Variants in SIRT5 observed in about 807,000 individuals in gnomAD.
SIRT5 encodes sirtuin 5.
In SIRT5, 26 loss-of-function variants were observed where a neutral mutation model predicts 40.0. The ratio of observed to expected loss-of-function variants is 0.65; its 90% CI spans 0.48 to 0.90. The LOEUF (loss-of-function observed/expected upper bound fraction) is 0.90. Among genes scored for constraint, SIRT5 ranks in the 40% least tolerant of loss-of-function variants. SIRT5 has a pLI of 0.00. For synonymous variants in SIRT5, 146 were observed against 149.1 expected (o/e 0.98, Z 0.15); for missense variants, 401 against 402.4 (o/e 1.00, Z 0.03).
At position 13,606,465 on chromosome 6, in the gene SIRT5, C is replaced by T. The variant is rs372752811; in HGVS notation, c.858-5325C>T. Among the ~76,000 whole-genome samples the T allele has an allele frequency of 4.6e-5, 7 of 152,144 alleles. No individual in the cohort carries two copies. The East Asian group carries it at 9.7e-4, about 21-fold the overall frequency. On this transcript the variant is annotated intron_variant, in intron 9 of 9. Coordinates refer to ENST00000606117, the MANE Select transcript of SIRT5 (RefSeq NM_012241.5). ...GTGTGAAGAGGTCACTGCTTTGAAG[C>T]GATAGTTGACCGTGTGTGTTAGGGA...
At chr6:13,596,936 T>G in intron 6 of SIRT5, 27 bp from the exon 7 acceptor site, 1 of 1,571,860 alleles carries the variant, frequency 6.4e-7, no homozygotes, top group Non-Finnish European at 8.7e-7. Flanking sequence ...AATAACAATC[T>G]TTCTTTTCTA....
At chr6:13,574,293 C>T (rs1758277779), upstream of SIRT5, among the ~76,000 whole-genome samples, 1 of 152,124 alleles carries the variant, frequency 6.6e-6, no homozygotes, top group South Asian at 2.1e-4. Context: ...AGCCGGCGCG[C>T]CCGCCTCCCG....
chr6:13,588,203 C>G, intron 3 of SIRT5, 128 bp from the exon 4 acceptor site: 1 of 1,208,076 alleles, frequency 8.3e-7, no homozygotes, highest in South Asian at 1.5e-5. Flanking sequence ...TTTCATGGTA[C>G]AGGAATGATG....
At chr6:13,603,430 A>G (rs909127970) in intron 9 of SIRT5, among the ~76,000 whole-genome samples, 3 of 152,226 alleles carry the variant, frequency 2.0e-5, no homozygotes. Flanking sequence ...AAACCAGGTC[A>G]AAATATTTGA....
At chr6:13,575,650 C>T (rs940234890) in intron 1 of SIRT5, among the ~76,000 whole-genome samples, 42 of 152,206 alleles carry the variant, frequency 2.8e-4, no homozygotes, top group Middle Eastern at 3.4e-3. Flanking sequence ...ACATATCCAT[C>T]ACCTCACCTA....
intron 9 of SIRT5, chr6:13,605,040 T>G: frequency 1.0e-6 from 1 of 986,618 alleles, no homozygotes; most frequent in Non-Finnish European, 1.2e-6. Context: ...AGTCATCTCA[T>G]CCTACTCAAT....
chr6:13,590,235 A>C (rs908887875), intron 4 of SIRT5, among the ~76,000 whole-genome samples: 1 of 152,118 alleles, frequency 6.6e-6, no homozygotes, highest in Non-Finnish European at 1.5e-5. Flanking sequence ...CCCCACCTCC[A>C]CTATCAAGAA....
intron 7 of SIRT5, among the ~76,000 whole-genome samples, chr6:13,598,255 G>T (rs185506716): frequency 1.3e-5 from 2 of 152,160 alleles, no homozygotes; most frequent in African/African-American, 4.8e-5. Context: ...GTGTATAGAA[G>T]GTAACCCTGA....
At chr6:13,606,784 C>T (rs541061806) in intron 9 of SIRT5, among the ~76,000 whole-genome samples, 6 of 152,126 alleles carry the variant, frequency 3.9e-5, no homozygotes, top group Non-Finnish European at 7.4e-5. Flanking sequence ...CGGGCTCAAG[C>T]AGTCCTCCCA....
intron 5 of SIRT5, among the ~76,000 whole-genome samples, chr6:13,594,023 C>T (rs971481065): frequency 9.2e-5 from 14 of 152,122 alleles, no homozygotes; most frequent in Admixed American, 4.6e-4. Flanking sequence ...ACACCTTCCG[C>T]AAGTTCGCTA....
intron 9 of SIRT5, among the ~76,000 whole-genome samples, chr6:13,603,353 G>A (rs1260130861): frequency 6.6e-6 from 1 of 150,824 alleles, no homozygotes; most frequent in Non-Finnish European, 1.5e-5. Flanking sequence ...TATTTGATAA[G>A]GGATTTGTAT....
chr6:13,582,139 TC>T (rs1349726837), intron 2 of SIRT5, among the ~76,000 whole-genome samples: 2 of 152,180 alleles, frequency 1.3e-5, no homozygotes, highest in African/African-American at 4.8e-5. Context: ...ACAAGTGTGT[TC>T]CTTGGACTGG....
At position 13,575,581 on chromosome 6, in the gene SIRT5, G is replaced by A. The variant is rs532255214; in HGVS notation, c.-195+837G>A. ...ATTGACAAATTTATATATTTATAGC[G>A]TACAGTGTAATGTTTTGATATATGT... On this transcript the variant is annotated intron_variant, in intron 1 of 9. Coordinates refer to ENST00000606117, the MANE Select transcript of SIRT5 (RefSeq NM_012241.5). 3.0e-4 allele frequency among the ~76,000 whole-genome samples: 46 copies of A among 151,718 alleles called. No homozygotes were observed. The South Asian group carries it at 5.4e-3, about 18-fold the overall frequency.
At chr6:13,597,163 A>G (rs1761665110) in intron 7 of SIRT5, 147 bp downstream of exon 7, 1 of 635,026 alleles carries the variant, frequency 1.6e-6, no homozygotes, top group African/African-American at 1.9e-5. Flanking sequence ...TCTGAGACCA[A>G]AAGTGAAAGG....
At chr6:13,599,248 T>G in intron 8 of SIRT5, 93 bp downstream of exon 8, 1 of 1,387,670 alleles carries the variant, frequency 7.2e-7, no homozygotes, top group Non-Finnish European at 9.8e-7. Context: ...CTCCCTTGCT[T>G]CTTTCCTTCC....
intron 4 of SIRT5, among the ~76,000 whole-genome samples, chr6:13,590,756 T>A (rs1374994438): frequency 6.6e-6 from 1 of 151,908 alleles, no homozygotes; most frequent in East Asian, 1.9e-4. Context: ...TGTACAGTTG[T>A]GTGTATGTAG....
chr6:13,578,295 A>G (rs1367967832), intron 1 of SIRT5, among the ~76,000 whole-genome samples: 1 of 152,096 alleles, frequency 6.6e-6, no homozygotes, highest in Non-Finnish European at 1.5e-5. Flanking sequence ...CTTTGGTATC[A>G]GGGTAATACT....
intron 2 of SIRT5, 149 bp downstream of exon 2, chr6:13,579,758 A>C (rs1759094068): frequency 6.6e-6 from 1 of 152,230 alleles, no homozygotes; most frequent in African/African-American, 2.4e-5. Context: ...CGATATTTTT[A>C]AAACTTCATG....
intron 9 of SIRT5, 142 bp downstream of exon 9, chr6:13,601,091 G>A: frequency 1.7e-6 from 1 of 601,460 alleles, no homozygotes; most frequent in Non-Finnish European, 2.9e-6. Context: ...TTGCTTTTAT[G>A]GAAGAACAAA....
Sources: allele counts gnomAD v4.1 joint callset (sites outside exome capture counted in the v4.1 genomes callset), GRCh38; gene constraint gnomAD v4.1.1; transcripts MANE v1.5; gene names NCBI Gene and HGNC (gene_info 2026-07-23, HGNC 2026-07-21).